Variants in ZBTB44 observed in about 807,000 individuals in gnomAD.
ZBTB44 encodes zinc finger and BTB domain-containing protein 44.
ZBTB44 carries 15 observed loss-of-function variants against 54.0 expected under a neutral mutation model. The ratio of observed to expected loss-of-function variants is 0.28; its 90% CI spans 0.19 to 0.43. The LOEUF is 0.43. Among genes scored for constraint, ZBTB44 ranks in the 20% least tolerant of loss-of-function variants. The pLI is 1.00. For synonymous variants in ZBTB44, 230 were observed against 250.1 expected, an observed-to-expected ratio of 0.92 and a Z score of 0.76; for missense variants, 487 against 707.1, an observed-to-expected ratio of 0.69 and a Z score of 3.53.
At chr11:130,239,584 A>G (rs1457308652) in intron 3 of ZBTB44, 1 of 338,248 alleles carries the variant, frequency 3.0e-6, no homozygotes, top group Non-Finnish European at 5.6e-6. Context: ...CACTTGGTAC[A>G]GATACGATTT....
At position 130,260,289 on chromosome 11, in the gene ZBTB44, GT is replaced by G. The variant is rs542773472; in HGVS notation, c.1018+566del. ...CTCTGTGTTTGCATATATGTTCTGT[GT>G]TTTTATGTTTTCACAGAAATGACAT... On this transcript the variant is annotated intron_variant, in intron 2 of 7. Coordinates refer to ENST00000357899, the MANE Select transcript of ZBTB44 (RefSeq NM_001301098.2). 1.6e-3 allele frequency among the ~76,000 whole-genome samples: 241 copies of G among 152,250 alleles called. 5 individuals are homozygous for G. In the South Asian group the frequency reaches 0.035, roughly 22 times the overall value.
chr11:130,288,867 A>C (rs569262437), intron 1 of ZBTB44, among the ~76,000 whole-genome samples: 182 of 151,858 alleles, frequency 1.2e-3, no homozygotes, highest in African/African-American at 4.2e-3. Context: ...ACTGCACTCC[A>C]GCGTGGGTGA....
chr11:130,254,256 G>C (rs1008541155), intron 2 of ZBTB44, among the ~76,000 whole-genome samples: 8 of 152,074 alleles, frequency 5.3e-5, no homozygotes, highest in African/African-American at 1.9e-4. Context: ...CATAGCAAAA[G>C]AAACTACCAT....
At chr11:130,300,324 G>A (rs956394963) in intron 1 of ZBTB44, among the ~76,000 whole-genome samples, 1 of 151,638 alleles carries the variant, frequency 6.6e-6, no homozygotes, top group South Asian at 2.1e-4. Context: ...TTTATGTTAC[G>A]TGTATTTCAC....
At chr11:130,256,444 G>A (rs990066975) in intron 2 of ZBTB44, among the ~76,000 whole-genome samples, 3 of 152,162 alleles carry the variant, frequency 2.0e-5, no homozygotes, top group Non-Finnish European at 4.4e-5. Flanking sequence ...TTGGGACGCC[G>A]AGGCAGGCGG....
intron 1 of ZBTB44, among the ~76,000 whole-genome samples, chr11:130,267,432 G>T (rs1939331790): frequency 6.6e-6 from 1 of 151,916 alleles, no homozygotes; most frequent in Admixed American, 6.6e-5. Context: ...TAGAGGCAGG[G>T]TCTCACTCTG....
intron 1 of ZBTB44, among the ~76,000 whole-genome samples, chr11:130,265,759 C>T (rs1285500647): frequency 3.3e-5 from 5 of 152,158 alleles, no homozygotes; most frequent in South Asian, 4.1e-4. Context: ...CCTAATCCAG[C>T]GCAAGGCCAT....
chr11:130,243,646 T>C (rs73040711), intron 2 of ZBTB44, among the ~76,000 whole-genome samples: 3,711 of 152,298 alleles, frequency 0.024, 57 homozygotes, highest in Non-Finnish European at 0.037. Context: ...CACATGAGCA[T>C]GCTTTTCTCC....
At chr11:130,274,380 G>C (rs1352082111) in intron 1 of ZBTB44, among the ~76,000 whole-genome samples, 1 of 152,022 alleles carries the variant, frequency 6.6e-6, no homozygotes, top group African/African-American at 2.4e-5. Context: ...TCCTTACCTA[G>C]AGTCTCCAGT....
chr11:130,297,064 CCTTT>C (rs1941696791), intron 1 of ZBTB44: 1 of 646,550 alleles, frequency 1.5e-6, no homozygotes. Context: ...TGAAGACATG[CCTTT>C]CTTTCATCTT....
At chr11:130,308,919 G>A (rs529589865) in intron 1 of ZBTB44, among the ~76,000 whole-genome samples, 1 of 152,230 alleles carries the variant, frequency 6.6e-6, no homozygotes, top group East Asian at 1.9e-4. Flanking sequence ...GTGGGAAAAG[G>A]GTACAGCAAA....
chr11:130,313,002 T>C (rs563268562), intron 1 of ZBTB44, among the ~76,000 whole-genome samples: 23 of 152,350 alleles, frequency 1.5e-4, no homozygotes, highest in African/African-American at 4.8e-4. Flanking sequence ...ATTCATTGCA[T>C]TGATTAGCAT....
intron 1 of ZBTB44, among the ~76,000 whole-genome samples, chr11:130,291,914 G>A (rs555788470): frequency 1.3e-5 from 2 of 150,998 alleles, no homozygotes; most frequent in South Asian, 2.1e-4. Context: ...CACAATTTCT[G>A]TAAGTTTCTT....
chr11:130,247,624 A>T (rs564549171), intron 2 of ZBTB44, among the ~76,000 whole-genome samples: 1 of 152,358 alleles, frequency 6.6e-6, no homozygotes, highest in Non-Finnish European at 1.5e-5. Flanking sequence ...GGATTAGTTC[A>T]TCTGAACTGG....
intron 1 of ZBTB44, chr11:130,285,468 T>C (rs1940891394): frequency 6.4e-6 from 1 of 156,926 alleles, no homozygotes; most frequent in African/African-American, 2.4e-5. Context: ...ATTTTTGTAT[T>C]TTTAGTAGAG....
intron 1 of ZBTB44, among the ~76,000 whole-genome samples, chr11:130,284,003 A>T (rs553531688): frequency 2.6e-3 from 355 of 138,534 alleles, no homozygotes; most frequent in Non-Finnish European, 4.1e-3. Flanking sequence ...AAAAAAGGCA[A>T]GCAGCTGGGC....
intron 2 of ZBTB44, among the ~76,000 whole-genome samples, chr11:130,249,578 A>G (rs1306678063): frequency 6.6e-6 from 1 of 152,150 alleles, no homozygotes; most frequent in Non-Finnish European, 1.5e-5. Context: ...AGGTGTCTGC[A>G]TTTCTAATGA....
intron 1 of ZBTB44, among the ~76,000 whole-genome samples, chr11:130,265,725 C>T (rs1208476681): frequency 6.6e-6 from 1 of 152,180 alleles, no homozygotes; most frequent in African/African-American, 2.4e-5. Context: ...ATGAAACCAA[C>T]CACAATATTC....
In ZBTB44 at chr11:130,241,830, T is replaced by C. The variant is rs375695342; in HGVS notation, c.1019-1934A>G. Among the ~76,000 whole-genome samples the C allele has an allele frequency of 1.1e-4, 17 of 152,234 alleles. 1 individual carries two copies. The highest frequency in any genetic ancestry group is 4.1e-4 in the South Asian group (2 of 4,830). ...TGCCTTATGTTTTTTCTTTAACCCA[T>C]TGGAGTTGACTTTGTGACCGAATGT... On this transcript the variant is annotated intron_variant, in intron 2 of 7. Transcript: ENST00000357899.
Sources: gnomAD v4.1 joint callset for allele counts (sites outside exome capture counted in the v4.1 genomes callset) on GRCh38, gnomAD v4.1.1 for gene constraint, MANE v1.5 for transcripts, NCBI Gene and HGNC (gene_info 2026-07-23, HGNC 2026-07-21) for gene names.